C16orf96: variants seen among roughly 807,000 people sequenced by gnomAD.
The protein encoded by C16orf96 is chromosome 16 open reading frame 96, also known as uncharacterized protein C16orf96.
In C16orf96, 108 loss-of-function variants were observed where a neutral mutation model predicts 103.6. The ratio of observed to expected loss-of-function variants is 1.04; its 90% CI spans 0.89 to 1.22. The LOEUF is 1.22. C16orf96 is among the 50% of genes most tolerant of loss of function. The pLI is 0.00. For missense variants in C16orf96, 1,586 were observed against 1,464.2 expected (o/e 1.08, Z -1.36); for synonymous variants, 566 against 593.5 (o/e 0.95, Z 0.67).
chr16:4,600,572 C>CATCGGA lies in C16orf96; in HGVS notation c.*255_*256insATCGGA. On this transcript the variant is annotated 3_prime_UTR_variant, in exon 16 of 16. Transcript: ENST00000444310. ...CCCCACCCCCACCAAGTCCCGTCCC[C>CATCGGA]GGCTGAGACCCAGGGCCCTGAGCCT... The CATCGGA allele has an allele frequency of 4.3e-6, 2 of 466,010 alleles. No homozygotes were observed. Among genetic ancestry groups the CATCGGA allele is most frequent in the Non-Finnish European group, 7.9e-6 (2 of 251,810 alleles). 28.9% of individuals were successfully genotyped at this position (466,010 alleles called of 1,614,324 possible). A position where few individuals can be genotyped will look rare whatever the true frequency, so the allele number is the denominator to read the frequency against.
chr16:4,593,239 C>CCGCAAAGCCCACCTGCTGTCCCGGCTG lies in C16orf96; in HGVS notation c.2793_2819dup (p.Lys932_Arg940dup). The CCGCAAAGCCCACCTGCTGTCCCGGCTG allele has an allele frequency of 6.4e-7, 1 of 1,551,194 alleles. No individual in the cohort carries two copies. Among genetic ancestry groups the CCGCAAAGCCCACCTGCTGTCCCGGCTG allele is most frequent in the Non-Finnish European group, 8.7e-7 (1 of 1,146,884 alleles). ...CCTCCAACAGACAGCTGATCACCAT[C>CCGCAAAGCCCACCTGCTGTCCCGGCTG]CGCAAAGCCCACCTGCTGTCCCGGC... On this transcript the variant is annotated inframe_insertion, in exon 12 of 16. Coordinates refer to ENST00000444310, the MANE Select transcript of C16orf96 (RefSeq NM_001145011.2). The surrounding 1 kb of genome is among the most constrained non-coding windows in gnomAD (Gnocchi z 4.2).
intron 1 of C16orf96, among the ~76,000 whole-genome samples, chr16:4,557,795 G>T (rs916877373): frequency 6.6e-6 from 1 of 151,882 alleles, no homozygotes; most frequent in African/African-American, 2.4e-5. Context: ...TCAACCTCCC[G>T]AGTAACTGGG....
upstream of C16orf96, among the ~76,000 whole-genome samples, chr16:4,552,709 A>C (rs927235445): frequency 2.0e-5 from 3 of 152,090 alleles, no homozygotes; most frequent in Non-Finnish European, 4.4e-5. Flanking sequence ...GCTGGGTCAC[A>C]GTGTGTGCAA....
At position 4,558,633 on chromosome 16, in the gene C16orf96, G is replaced by T. The variant is rs114174217; in HGVS notation, c.420+1724G>T. Among the ~76,000 whole-genome samples the T allele has an allele frequency of 2.8e-3, 418 of 150,442 alleles. 7 individuals are homozygous for T. Among genetic ancestry groups the T allele is most frequent in the African/African-American group, 9.6e-3 (398 of 41,258 alleles). Reference sequence around the variant, plus strand: ...TGTCTAAAAATAGTAATAATAATTTGGCCAGGCACAGTGGCGCACACCTGT... The same window carrying T: ...TGTCTAAAAATAGTAATAATAATTTTGCCAGGCACAGTGGCGCACACCTGT... On this transcript the variant is annotated intron_variant, in intron 1 of 15. Transcript: ENST00000444310.
chr16:4,561,830 C>T (rs1382413852), intron 1 of C16orf96, among the ~76,000 whole-genome samples: 1 of 151,962 alleles, frequency 6.6e-6, no homozygotes, highest in African/African-American at 2.4e-5. Context: ...GGCAAACAAA[C>T]GTGTTTTACA....
chr16:4,582,154 T>C (rs1346443605), intron 7 of C16orf96, among the ~76,000 whole-genome samples: 3 of 151,876 alleles, frequency 2.0e-5, no homozygotes, highest in Admixed American at 2.0e-4. Flanking sequence ...TGGTGGCGGA[T>C]GCCTGTAATC....
chr16:4,574,145 C>G (rs564796416), intron 2 of C16orf96, among the ~76,000 whole-genome samples: 10 of 151,068 alleles, frequency 6.6e-5, no homozygotes, highest in African/African-American at 1.9e-4. Context: ...CTTGGAGATT[C>G]TTAATGTGCT....
the C16orf96 span, among the ~76,000 whole-genome samples, chr16:4,548,569 A>C: frequency 1.3e-5 from 2 of 152,160 alleles, no homozygotes; most frequent in African/African-American, 2.4e-5. Flanking sequence ...TTTGCGCCTA[A>C]AAGTATGAAA....
the C16orf96 span, among the ~76,000 whole-genome samples, chr16:4,542,866 A>G: frequency 1.3e-5 from 2 of 152,070 alleles, no homozygotes; most frequent in African/African-American, 2.4e-5. Flanking sequence ...TGTGTACTTT[A>G]TATTTACAGG....
At chr16:4,566,148 T>C (rs1217089141) in intron 1 of C16orf96, among the ~76,000 whole-genome samples, 1 of 152,214 alleles carries the variant, frequency 6.6e-6, no homozygotes, top group Non-Finnish European at 1.5e-5. Flanking sequence ...GCCTGGCCCA[T>C]GTGTGCAAGT....
At chr16:4,542,913 A>G in the C16orf96 span, among the ~76,000 whole-genome samples, 1 of 152,180 alleles carries the variant, frequency 6.6e-6, no homozygotes, top group South Asian at 2.1e-4. Flanking sequence ...TCAGGGGCTC[A>G]GTAGCCACAT....
intron 1 of C16orf96, among the ~76,000 whole-genome samples, chr16:4,558,294 A>G (rs1323753760): frequency 6.6e-6 from 1 of 152,204 alleles, no homozygotes; most frequent in Non-Finnish European, 1.5e-5. Context: ...GACAGTGTTC[A>G]GTTACTGGCA....
chr16:4,548,331 C>A, the C16orf96 span, among the ~76,000 whole-genome samples: 4 of 152,174 alleles, frequency 2.6e-5, no homozygotes, highest in Non-Finnish European at 5.9e-5. Context: ...TCCCTGGCAC[C>A]CAAGGCGCGC....
At position 4,588,078 on chromosome 16, in the gene C16orf96, A is replaced by T. The variant is rs568951818; in HGVS notation, c.2428-89A>T. The stretch of plus-strand genomic sequence containing the variant: ...CTAAAAGTCCAGAGTCCCAAACTAG[A>T]AGCATCAGACCCAAGGGGTGTGATG... On this transcript the variant is annotated intron_variant, in intron 8 of 15. Transcript: ENST00000444310. The T allele has an allele frequency of 2.2e-5, 30 of 1,338,076 alleles. No individual in the cohort carries two copies. In the African/African-American group the frequency reaches 4.0e-4, roughly 18 times the overall value. The allele number at this position is 1,338,076 out of a possible 1,614,324, so 82.9% of individuals were successfully genotyped here. A position where few individuals can be genotyped will look rare whatever the true frequency, so the allele number is the denominator to read the frequency against.
Position 4,576,269 on chromosome 16 carries a change from A to C in C16orf96, c.1789A>C (p.Lys597Gln), listed in dbSNP as rs1292791832. Residue 597 changes from lysine to glutamine, a missense_variant, in exon 5 of 16, where the codon AAG (lysine) becomes CAG (glutamine). Transcript: ENST00000444310. ...QAAKVAAKFV[K>Q]DAPATKMAAI... ...AGCCAAAGTTGCTGCCAAGTTTGTC[A>C]AGGATGCCCCAGCCACCAAAATGGC... 1 of 1,550,630 alleles carries C rather than the reference A, an allele frequency of 6.4e-7. No homozygotes were observed.
At chr16:4,586,807 C>T (rs1451252540) in intron 7 of C16orf96, among the ~76,000 whole-genome samples, 1 of 152,162 alleles carries the variant, frequency 6.6e-6, no homozygotes, top group Admixed American at 6.6e-5. Context: ...AGGAAAGTTC[C>T]TATGATACCA....
chr16:4,581,141 CATATATATAT>C (rs58065868), intron 7 of C16orf96, among the ~76,000 whole-genome samples: 2,061 of 46,722 alleles, frequency 0.044, 70 homozygotes, highest in Admixed American at 0.16. Context: ...TATATGTATA[CATATATATAT>C]ATATATATAT....
chr16:4,581,311 G>A (rs1328529234), intron 7 of C16orf96, among the ~76,000 whole-genome samples: 3 of 149,344 alleles, frequency 2.0e-5, no homozygotes, highest in Non-Finnish European at 4.5e-5. Context: ...TTCCAGCCTG[G>A]GCAACAAGAG....
chr16:4,584,409 G>A (rs1306264511), intron 7 of C16orf96, among the ~76,000 whole-genome samples: 2 of 137,340 alleles, frequency 1.5e-5, no homozygotes, highest in Admixed American at 8.2e-5. Flanking sequence ...GTGCAGTGGC[G>A]CAATCTTGGC....
Sources: gnomAD v4.1 joint callset for allele counts (sites outside exome capture counted in the v4.1 genomes callset) on GRCh38, gnomAD v4.1.1 for gene constraint, Gnocchi (gnomAD v3.1) non-coding constraint, MANE v1.5 for transcripts, NCBI Gene and HGNC (gene_info 2026-07-23, HGNC 2026-07-21) for gene names.